The following RREB1 variants were observed in gnomAD, a reference collection of about 807,000 sequenced individuals.
RREB1 encodes the protein ras-responsive element-binding protein 1.
A neutral mutation model predicts 117.8 loss-of-function variants in RREB1; 27 were observed. That is an observed-to-expected ratio of 0.23 (90% CI 0.17 to 0.32). The LOEUF (loss-of-function observed/expected upper bound fraction) is 0.32. Ranked by LOEUF, RREB1 falls within the 10% of genes least tolerant of loss-of-function variation. The probability of loss-of-function intolerance (pLI) is 1.00; values close to 1 mark genes in which losing one functional copy is unlikely to be tolerated. For synonymous variants in RREB1, 1,298 were observed against 1,026.7 expected, an observed-to-expected ratio of 1.26 and a Z score of -5.05; for missense variants, 2,577 against 2,378.2, an observed-to-expected ratio of 1.08 and a Z score of -1.74.
chr6:7,115,903 T>C (rs1203808809), intron 1 of RREB1, among the ~76,000 whole-genome samples: 2 of 152,170 alleles, frequency 1.3e-5, no homozygotes, highest in African/African-American at 2.4e-5. Context: ...GACGTATGTC[T>C]GTCCTGCCCC....
rs528764997 is a variant in RREB1, at chr6:7,127,888, C to A, written c.-285+19828C>A. 1.1e-4 allele frequency among the ~76,000 whole-genome samples: 17 copies of A among 152,174 alleles called. No homozygotes were observed. The South Asian group carries it at 3.5e-3, about 32-fold the overall frequency. On this transcript the variant is annotated intron_variant, in intron 1 of 12. Coordinates refer to ENST00000379938, the MANE Select transcript of RREB1 (RefSeq NM_001003699.4). ...CTGGTCCTCTGCTTGGATCCACCCCCTTCACTGCAGCTGAAACAGCCAACA... is the reference window on the plus strand; with the variant it reads ...CTGGTCCTCTGCTTGGATCCACCCCATTCACTGCAGCTGAAACAGCCAACA...
intron 8 of RREB1, among the ~76,000 whole-genome samples, chr6:7,220,682 G>A (rs1237045886): frequency 6.6e-6 from 1 of 152,196 alleles, no homozygotes; most frequent in Non-Finnish European, 1.5e-5. Context: ...CTGGCACATT[G>A]TCAAGATCTC....
In RREB1 at chr6:7,248,979, C is replaced by T. The variant is rs200233790; in HGVS notation, c.*11C>T. On this transcript the variant is annotated 3_prime_UTR_variant, in exon 13 of 13. Transcript: ENST00000379938. ...GTGGGGATGGAGTGACAGCCTCAGT[C>T]CCCCTCAGCACAGACAAAAGCCAGC... 16 of 1,465,194 alleles carry T rather than the reference C, an allele frequency of 1.1e-5. No individual in the cohort carries two copies. In the East Asian group the frequency reaches 3.7e-4, roughly 34 times the overall value. 90.8% of individuals were successfully genotyped at this position (1,465,194 alleles called of 1,614,324 possible).
chr6:7,246,979 C>CGGGCCCGGGTGCCGGGGA lies in RREB1; in HGVS notation c.4531_4532insGCCCGGGTGCCGGGGAGG (p.Ser1510_Ala1511insGlyProGlyAlaGlyGlu). 1 of 1,581,888 alleles carries CGGGCCCGGGTGCCGGGGA rather than the reference C, an allele frequency of 6.3e-7. No individual in the cohort carries two copies. The highest frequency in any genetic ancestry group is 1.4e-5 in the African/African-American group (1 of 73,660). On this transcript the variant is annotated inframe_insertion, in exon 12 of 13. Coordinates refer to ENST00000379938, the MANE Select transcript of RREB1 (RefSeq NM_001003699.4). ...GAGACCCCGGCAGAGGTGGTGGAGT[C>CGGGCCCGGGTGCCGGGGA]GGCCCCGGGTGCCGGGGAGGCCCCG...
intron 5 of RREB1, 49 bp from the exon 6 acceptor site, chr6:7,189,110 C>G: frequency 6.5e-7 from 1 of 1,543,378 alleles, no homozygotes; most frequent in Non-Finnish European, 8.8e-7. Flanking sequence ...AAGAGCTGAG[C>G]TTCTGATGCA....
chr6:7,204,473 G>A (rs918886844), intron 6 of RREB1, among the ~76,000 whole-genome samples: 4 of 152,194 alleles, frequency 2.6e-5, no homozygotes, highest in African/African-American at 9.7e-5. Flanking sequence ...AATGTAGGTT[G>A]TGCAGCTGTG....
chr6:7,148,645 A>AT (rs1436272721), intron 1 of RREB1, among the ~76,000 whole-genome samples: 4 of 152,092 alleles, frequency 2.6e-5, no homozygotes, highest in Admixed American at 2.0e-4. Context: ...TTAATCATAC[A>AT]TTGATTCACC....
chr6:7,190,329 A>G (rs2113557737), intron 6 of RREB1, among the ~76,000 whole-genome samples: 1 of 152,268 alleles, frequency 6.6e-6, no homozygotes, highest in Admixed American at 6.5e-5. Flanking sequence ...ACCCCCCAAA[A>G]CGAGATTTTT....
intron 10 of RREB1, among the ~76,000 whole-genome samples, chr6:7,235,650 C>T (rs190945164): frequency 6.6e-6 from 1 of 152,278 alleles, no homozygotes; most frequent in Admixed American, 6.5e-5. Flanking sequence ...TGAGTTCCAG[C>T]CAGAAGCATT....
chr6:7,199,697 T>A (rs1170719503), intron 6 of RREB1, among the ~76,000 whole-genome samples: 1 of 152,178 alleles, frequency 6.6e-6, no homozygotes, highest in East Asian at 1.9e-4. Flanking sequence ...GGGGTCTCAC[T>A]CTGTCTCCCA....
intron 1 of RREB1, among the ~76,000 whole-genome samples, chr6:7,146,001 T>C (rs1762837030): frequency 6.6e-6 from 1 of 151,564 alleles, no homozygotes; most frequent in Non-Finnish European, 1.5e-5. Context: ...CCCTACCCCC[T>C]ACGCCACCTC....
chr6:7,200,273 TGTGTGTGTA>T (rs1335695549), intron 6 of RREB1, among the ~76,000 whole-genome samples: 16 of 118,776 alleles, frequency 1.3e-4, no homozygotes, highest in South Asian at 4.7e-4. Flanking sequence ...TGTGTGTGTG[TGTGTGTGTA>T]TTTTTTTTTT....
In RREB1 at chr6:7,249,078, A is replaced by T. The variant is rs1769289826; in HGVS notation, c.*110A>T. The T allele has an allele frequency of 4.3e-6, 3 of 698,432 alleles. No homozygotes were observed. The highest frequency in any genetic ancestry group is 3.3e-5 in the Admixed American group (1 of 30,528). The allele number at this position is 698,432 out of a possible 1,614,324, so 43.3% of individuals were successfully genotyped here. On this transcript the variant is annotated 3_prime_UTR_variant, in exon 13 of 13. Coordinates refer to ENST00000379938, the MANE Select transcript of RREB1 (RefSeq NM_001003699.4). ...GTTGAGGAGTGAGAGAGAGAGAGAG[A>T]GAGAGAGAGAGAGAGAGAGAGAGAG...
At chr6:7,153,807 G>A (rs903429820) in intron 1 of RREB1, among the ~76,000 whole-genome samples, 1 of 152,176 alleles carries the variant, frequency 6.6e-6, no homozygotes, top group Non-Finnish European at 1.5e-5. Flanking sequence ...GTTGCTTGTT[G>A]GTGTAGAATC....
intron 1 of RREB1, among the ~76,000 whole-genome samples, chr6:7,142,374 CCCCGCAAAGCTGGACGCCCTTGTGTCCT>C (rs961751718): frequency 1.3e-5 from 2 of 152,194 alleles, no homozygotes; most frequent in African/African-American, 4.8e-5. Context: ...GGGTGCGTCC[CCCCGCAAAGCTGGACGCCCTTGTGTCCT>C]CCCGCCTGCC....
chr6:7,142,872 G>A (rs887488180), intron 1 of RREB1, among the ~76,000 whole-genome samples: 1 of 152,234 alleles, frequency 6.6e-6, no homozygotes, highest in African/African-American at 2.4e-5. Flanking sequence ...TTCATGGGGG[G>A]ATAACTTTTC....
intron 1 of RREB1, among the ~76,000 whole-genome samples, chr6:7,130,726 T>C (rs1285877): frequency 0.67 from 100,911 of 150,684 alleles, 35,447 homozygotes; most frequent in Middle Eastern, 0.81. Flanking sequence ...AAGCAATTCT[T>C]CTGCCTTAGT....
Position 7,240,549 on chromosome 6 carries a change from A to G in RREB1, c.3920A>G (p.Asn1307Ser). The change falls in exon 11 of 13, where the codon AAC (asparagine) becomes AGC (serine). Residue 1307 changes from asparagine to serine, a missense_variant. Coordinates refer to ENST00000379938, the MANE Select transcript of RREB1 (RefSeq NM_001003699.4). ...HGVTTCSLRR[N>S]GLIPQSKESD... ...GTTACCACCTGTTCCCTGAGAAGAAACGGGCTTATCCCCCAGTCAAAAGAG... is the reference window on the plus strand; with the variant it reads ...GTTACCACCTGTTCCCTGAGAAGAAGCGGGCTTATCCCCCAGTCAAAAGAG... The G allele has an allele frequency of 1.2e-6, 2 of 1,613,962 alleles. No individual in the cohort carries two copies. The highest frequency in any genetic ancestry group is 1.7e-6 in the Non-Finnish European group (2 of 1,179,932).
rs769885102 is a variant in RREB1, at chr6:7,230,109, A to G, written c.2010A>G (p.Pro670=). 4.4e-6 allele frequency: 7 copies of G among 1,604,430 alleles called. No individual in the cohort carries two copies. Among genetic ancestry groups the G allele is most frequent in the South Asian group, 1.1e-5 (1 of 90,760 alleles). The change falls in exon 10 of 13, where the codon CCA becomes CCG. Residue 670 remains proline, a synonymous_variant. Transcript: ENST00000379938. ...AHVRSHLGIS[P]YQCNICDYIA... ...TGCGCTCCCACCTGGGCATCTCGCCATACCAGTGCAACATCTGCGACTACA... is the reference window on the plus strand; with the variant it reads ...TGCGCTCCCACCTGGGCATCTCGCCGTACCAGTGCAACATCTGCGACTACA...
Sources: allele counts gnomAD v4.1 joint callset (sites outside exome capture counted in the v4.1 genomes callset), GRCh38; gene constraint gnomAD v4.1.1; transcripts MANE v1.5; gene names NCBI Gene and HGNC (gene_info 2026-07-23, HGNC 2026-07-21).